Variants in ROBO1 observed in about 807,000 individuals in gnomAD.
ROBO1 encodes roundabout homolog 1.
In ROBO1, 149 loss-of-function variants were observed where a neutral mutation model predicts 195.9. That is an observed-to-expected ratio of 0.76 (90% confidence interval 0.67 to 0.87). The LOEUF is 0.87. Among genes scored for constraint, ROBO1 ranks in the 40% least tolerant of loss-of-function variants. ROBO1 has a pLI of 0.00. For synonymous variants in ROBO1, 816 were observed against 733.2 expected (o/e 1.11, Z -1.82); for missense variants, 1,933 against 2,068.3 (o/e 0.93, Z 1.27).
intron 2 of ROBO1, among the ~76,000 whole-genome samples, chr3:79,158,844 A>G (rs1421425948): frequency 6.6e-6 from 1 of 151,876 alleles, no homozygotes; most frequent in African/African-American, 2.4e-5. Context: ...CTGATATTCT[A>G]CTATGTAAGC....
chr3:79,639,371 C>G (rs1945590085), intron 1 of ROBO1, among the ~76,000 whole-genome samples: 1 of 152,020 alleles, frequency 6.6e-6, no homozygotes, highest in South Asian at 2.1e-4. Flanking sequence ...TTCAGAAGGA[C>G]TGTTTTGAAG....
At chr3:78,620,506 C>T (rs1434843041) in intron 26 of ROBO1, among the ~76,000 whole-genome samples, 2 of 151,266 alleles carry the variant, frequency 1.3e-5, no homozygotes, top group African/African-American at 2.4e-5. Context: ...AGGGAGACTC[C>T]GTCTCAAAAA....
intron 3 of ROBO1, among the ~76,000 whole-genome samples, chr3:79,054,455 C>T (rs1456945243): frequency 6.6e-6 from 1 of 151,944 alleles, no homozygotes; most frequent in Non-Finnish European, 1.5e-5. Context: ...CCATGCATTC[C>T]ATCCAATGAC....
At chr3:79,479,764 C>T (rs1361247327) in intron 2 of ROBO1, among the ~76,000 whole-genome samples, 4 of 152,092 alleles carry the variant, frequency 2.6e-5, no homozygotes, top group South Asian at 2.1e-4. Flanking sequence ...TTTATAAATA[C>T]GTTATGTCAG....
At chr3:78,688,567 T>C (rs1372376024) in intron 9 of ROBO1, 81 bp downstream of exon 9, 1 of 1,380,550 alleles carries the variant, frequency 7.2e-7, no homozygotes, top group Admixed American at 2.7e-5. Context: ...CATGACTAAG[T>C]AATATGTTGG....
intron 5 of ROBO1, among the ~76,000 whole-genome samples, chr3:78,731,236 G>A (rs1174348428): frequency 6.6e-6 from 1 of 152,070 alleles, no homozygotes; most frequent in Non-Finnish European, 1.5e-5. Context: ...GGTATTAATT[G>A]TAATAAGGGA....
intron 2 of ROBO1, among the ~76,000 whole-genome samples, chr3:79,502,875 G>A (rs758896921): frequency 6.6e-6 from 1 of 152,038 alleles, no homozygotes; most frequent in Non-Finnish European, 1.5e-5. Flanking sequence ...GAACTTTTGT[G>A]TCTAGCTCAG....
intron 3 of ROBO1, among the ~76,000 whole-genome samples, chr3:79,077,897 G>A (rs1433442275): frequency 6.6e-6 from 1 of 151,824 alleles, no homozygotes; most frequent in Non-Finnish European, 1.5e-5. Flanking sequence ...AGAAGCAGGT[G>A]AGAAGAACTA....
intron 2 of ROBO1, among the ~76,000 whole-genome samples, chr3:79,469,373 C>T (rs560510499): frequency 5.5e-4 from 83 of 152,092 alleles, no homozygotes; most frequent in African/African-American, 1.9e-3. Flanking sequence ...TTAGAAGCCA[C>T]GATGGTGGTG....
At chr3:79,306,802 C>T (rs946862079) in intron 2 of ROBO1, among the ~76,000 whole-genome samples, 8 of 152,088 alleles carry the variant, frequency 5.3e-5, no homozygotes, top group African/African-American at 1.7e-4. Context: ...AAAGCAGAGC[C>T]GTTCTTGTTT....
chr3:78,747,847 A>C (rs539183558), intron 4 of ROBO1, among the ~76,000 whole-genome samples: 1 of 152,340 alleles, frequency 6.6e-6, no homozygotes, highest in East Asian at 1.9e-4. Context: ...GTATCTTGAT[A>C]ACATCAAGAA....
intron 2 of ROBO1, among the ~76,000 whole-genome samples, chr3:79,577,334 A>G (rs1000615392): frequency 6.6e-6 from 1 of 152,158 alleles, no homozygotes; most frequent in African/African-American, 2.4e-5. Context: ...TTATGTAAAA[A>G]GAGAAAATAT....
At position 78,617,857 on chromosome 3, in the gene ROBO1, T is replaced by A. The variant is rs766486551; in HGVS notation, c.4060A>T (p.Thr1354Ser). ...AGGTCCCCAACACTGGAGGCAGGTG[T>A]CTGCTCAAGCCCACGTAACAAAAGC... ...RRLLLRGLEQ[T>S]PASSVGDLES... The change falls in exon 27 of 31, where the codon ACA becomes TCA. Residue 1354 changes from threonine (T) to serine (S), a missense_variant. Thr to Ser is a moderately conservative substitution (Grantham distance 58). This residue lies in a region of ROBO1 where 1,737 missense variants were observed against 1,882.5 expected (regional missense o/e 0.92). Transcript: ENST00000464233. 2 of 1,613,848 alleles carry A rather than the reference T, an allele frequency of 1.2e-6. No homozygotes were observed.
Position 78,661,147 on chromosome 3 carries a change from T to G in ROBO1, c.2203A>C (p.Ser735Arg). The change falls in exon 16 of 31, where the codon AGT becomes CGT. Residue 735 changes from serine (S) to arginine (R), a missense_variant. This residue lies in a region of ROBO1 where 1,737 missense variants were observed against 1,882.5 expected (regional missense o/e 0.92). Coordinates refer to ENST00000464233, the MANE Select transcript of ROBO1 (RefSeq NM_002941.4). ...TTTCTGAGATCAGGGATTACCACAC[T>G]GTTTTTGGCTGGCGTCCTCACTTCA... ...VFEVRTPAKN[S>R]VVIPDLRKGV... 1 of 1,613,860 alleles carries G rather than the reference T, an allele frequency of 6.2e-7. No individual in the cohort carries two copies. Among genetic ancestry groups the G allele is most frequent in the Non-Finnish European group, 8.5e-7 (1 of 1,179,828 alleles).
chr3:79,086,519 T>C (rs1272053959), intron 3 of ROBO1, among the ~76,000 whole-genome samples: 1 of 152,100 alleles, frequency 6.6e-6, no homozygotes, highest in Admixed American at 6.6e-5. Context: ...GTACAAGACA[T>C]ATCACATTAT....
In ROBO1 at chr3:79,714,944, C is replaced by CT. The variant is rs780726367; in HGVS notation, c.-51+52807_-51+52808insA. On this transcript the variant is annotated intron_variant, in intron 1 of 30. Transcript: ENST00000464233. Reference sequence around the variant, plus strand: ...AGCACACCAACATGGCACATGTATACATATGTAACTAACCTGCACATTGTG... The same window carrying CT: ...AGCACACCAACATGGCACATGTATACTATATGTAACTAACCTGCACATTGTG... 4.5e-4 allele frequency among the ~76,000 whole-genome samples: 68 copies of CT among 151,562 alleles called. 1 individual carries two copies. Among genetic ancestry groups the CT allele is most frequent in the Non-Finnish European group, 6.9e-4 (47 of 67,880 alleles).
At chr3:79,374,768 T>C (rs1243134270) in intron 2 of ROBO1, among the ~76,000 whole-genome samples, 1 of 152,148 alleles carries the variant, frequency 6.6e-6, no homozygotes, top group Admixed American at 6.6e-5. Flanking sequence ...ATTTTTGCCA[T>C]TCAAAAAAAT....
intron 1 of ROBO1, among the ~76,000 whole-genome samples, chr3:79,645,911 C>A (rs1945808752): frequency 6.6e-6 from 1 of 152,218 alleles, no homozygotes; most frequent in African/African-American, 2.4e-5. Context: ...CTATCTCATA[C>A]CCTCTACAAA....
At chr3:78,768,467 AAG>A in intron 4 of ROBO1, among the ~76,000 whole-genome samples, 1 of 152,074 alleles carries the variant, frequency 6.6e-6, no homozygotes, top group Non-Finnish European at 1.5e-5. Context: ...GAGACAGAAA[AAG>A]AAAAAAAATA....
Sources: allele counts gnomAD v4.1 joint callset (sites outside exome capture counted in the v4.1 genomes callset), GRCh38; gene constraint gnomAD v4.1.1; regional missense constraint gnomAD v4.1.1; transcripts MANE v1.5; gene names NCBI Gene and HGNC (gene_info 2026-07-23, HGNC 2026-07-21).